The following ERICH1 variants were observed in gnomAD, a reference collection of about 807,000 sequenced individuals.
The protein encoded by ERICH1 is glutamate-rich protein 1.
ERICH1 carries 56 observed loss-of-function variants against 39.6 expected under a neutral mutation model. The observed-to-expected ratio is 1.41, with a 90% CI of 1.14 to 1.77. ERICH1 has a LOEUF of 1.77. Ranked by LOEUF, ERICH1 falls within the 40% of genes most tolerant of loss-of-function variation. ERICH1 has a pLI of 0.00. For missense variants in ERICH1, 826 were observed against 575.4 expected (o/e 1.44, Z -4.45); for synonymous variants, 313 against 223.6 (o/e 1.40, Z -3.57).
intron 2 of ERICH1, among the ~76,000 whole-genome samples, chr8:715,042 C>T (rs560145323): frequency 3.3e-5 from 5 of 150,606 alleles, no homozygotes; most frequent in South Asian, 2.1e-4. Context: ...GGTCTATTCC[C>T]GTGTCTCTCG....
intron 1 of ERICH1, among the ~76,000 whole-genome samples, chr8:722,649 G>A (rs1041510163): frequency 6.6e-6 from 1 of 152,184 alleles, no homozygotes; most frequent in Non-Finnish European, 1.5e-5. Context: ...TGCGACTCCT[G>A]GTGCTGGAAG....
intron 3 of ERICH1, among the ~76,000 whole-genome samples, chr8:634,183 A>AC (rs113808309): frequency 0.033 from 4,543 of 135,818 alleles, 100 homozygotes; most frequent in African/African-American, 0.057. Flanking sequence ...AAAAAAAAAA[A>AC]AAACAAACAA....
intron 1 of ERICH1, among the ~76,000 whole-genome samples, chr8:729,687 G>C (rs758491648): frequency 1.3e-5 from 2 of 151,860 alleles, no homozygotes. Context: ...CTTAAACAAC[G>C]TAAATTTACT....
chr8:682,212 T>C (rs1341167796), intron 3 of ERICH1, among the ~76,000 whole-genome samples: 1 of 152,158 alleles, frequency 6.6e-6, no homozygotes, highest in African/African-American at 2.4e-5. Context: ...AACACAATTA[T>C]AGTCACAACC....
intron 1 of ERICH1, among the ~76,000 whole-genome samples, chr8:716,854 C>T (rs543959452): frequency 1.2e-4 from 19 of 152,088 alleles, no homozygotes; most frequent in Non-Finnish European, 2.4e-4. Context: ...GGCTTCTAGG[C>T]GAGGCAGGGA....
At chr8:674,656 G>T (rs897913849) in intron 3 of ERICH1, among the ~76,000 whole-genome samples, 1 of 151,948 alleles carries the variant, frequency 6.6e-6, no homozygotes, top group African/African-American at 2.4e-5. Flanking sequence ...TTCCCTCTAT[G>T]GGGGGGAAAC....
intron 2 of ERICH1, among the ~76,000 whole-genome samples, chr8:701,132 A>G (rs1812014594): frequency 6.6e-6 from 1 of 152,284 alleles, no homozygotes. Flanking sequence ...GCCAAGAAGA[A>G]CAGAGCAAGG....
At chr8:674,765 C>T (rs1293961256) in intron 3 of ERICH1, among the ~76,000 whole-genome samples, 1 of 152,140 alleles carries the variant, frequency 6.6e-6, no homozygotes, top group Non-Finnish European at 1.5e-5. Flanking sequence ...GATGATTTGC[C>T]CATCTGAGTC....
chr8:723,320 C>G (rs1432092975), intron 1 of ERICH1, among the ~76,000 whole-genome samples: 3 of 152,232 alleles, frequency 2.0e-5, no homozygotes, highest in Non-Finnish European at 4.4e-5. Context: ...CATTCCTTTA[C>G]AGCAATGCAG....
At chr8:700,380 G>A (rs1259337852) in intron 2 of ERICH1, among the ~76,000 whole-genome samples, 1 of 87,374 alleles carries the variant, frequency 1.1e-5, no homozygotes, top group African/African-American at 3.9e-5. Context: ...CAGGCGCACA[G>A]GCCCGCACAC....
chr8:728,235 C>T (rs898013553), intron 1 of ERICH1, among the ~76,000 whole-genome samples: 4 of 152,224 alleles, frequency 2.6e-5, no homozygotes, highest in African/African-American at 7.2e-5. Flanking sequence ...AGCAAGACTC[C>T]GCCCAGGCAG....
chr8:698,072 G>A (rs903845671), intron 2 of ERICH1, among the ~76,000 whole-genome samples: 2 of 152,088 alleles, frequency 1.3e-5, no homozygotes, highest in African/African-American at 4.8e-5. Flanking sequence ...GGAGGAGGTG[G>A]AGGCATGCGC....
chr8:657,779 G>T (rs4735813), intron 3 of ERICH1, among the ~76,000 whole-genome samples: 26,710 of 151,984 alleles, frequency 0.18, 3,022 homozygotes, highest in Middle Eastern at 0.33. Flanking sequence ...TAATGTGCAG[G>T]AATTCCTTGC....
downstream of ERICH1, among the ~76,000 whole-genome samples, chr8:661,802 C>T (rs1028499686): frequency 6.6e-6 from 1 of 152,242 alleles, no homozygotes; most frequent in African/African-American, 2.4e-5. Context: ...CCTCAATATT[C>T]TCAGGGTCAG....
rs142833649 is a variant in ERICH1 at position 673,547 on chromosome 8, C to T, written c.805G>A (p.Ala269Thr). 2.9e-5 allele frequency: 47 copies of T among 1,607,452 alleles called. No homozygotes were observed. Among genetic ancestry groups the T allele is most frequent in the African/African-American group, 6.9e-5 (5 of 72,704 alleles). The part of the protein sequence containing the change: ...TPAGEEDVKD[A>T]REEDGVDTIE... The stretch of plus-strand genomic sequence containing the variant: ...GTGTCCACACCGTCCTCCTCCCTGG[C>T]GTCTTTAACGTCTTCCTCCCCGGCC... The change falls in exon 4 of 6, where the codon GCC becomes ACC. Residue 269 changes from alanine to threonine, a missense_variant. Transcript: ENST00000262109.
chr8:695,705 G>C (rs13248441), intron 2 of ERICH1, among the ~76,000 whole-genome samples: 1 of 53,272 alleles, frequency 1.9e-5, no homozygotes, highest in East Asian at 7.4e-4. Flanking sequence ...TGCTCCTCTC[G>C]CCCTCCACTC....
At chr8:621,934 G>A (rs1377121174) in intron 3 of ERICH1, among the ~76,000 whole-genome samples, 2 of 152,186 alleles carry the variant, frequency 1.3e-5, no homozygotes, top group Non-Finnish European at 2.9e-5. Flanking sequence ...CTTCCTTGTG[G>A]CTGAGTGTGG....
intron 2 of ERICH1, among the ~76,000 whole-genome samples, chr8:696,004 G>A (rs374836496): frequency 2.7e-4 from 3 of 10,918 alleles, no homozygotes; most frequent in Admixed American, 1.6e-3. Context: ...ATCAGCCTGC[G>A]CCTGTGCTGG....
intron 3 of ERICH1, among the ~76,000 whole-genome samples, chr8:616,801 GA>G (rs1796932387): frequency 2.3e-5 from 2 of 85,684 alleles, no homozygotes; most frequent in Non-Finnish European, 2.2e-5. Context: ...ATGGGGAAGA[GA>G]GGGGGGAGGA....
Sources: gnomAD v4.1 joint callset for allele counts (sites outside exome capture counted in the v4.1 genomes callset) on GRCh38, gnomAD v4.1.1 for gene constraint, MANE v1.5 for transcripts, NCBI Gene and HGNC (gene_info 2026-07-23, HGNC 2026-07-21) for gene names.